The following ADNP2 variants were observed in gnomAD, a reference collection of about 807,000 sequenced individuals.
The protein encoded by ADNP2 is ADNP homeobox 2.
Under a neutral mutation model 16.4 loss-of-function variants are expected in ADNP2, and 8 were observed. The ratio of observed to expected loss-of-function variants is 0.49; its 90% CI spans 0.29 to 0.88. The LOEUF (loss-of-function observed/expected upper bound fraction) is 0.88. ADNP2 is among the 40% of genes least tolerant of loss of function. The pLI is 0.09. For missense variants in ADNP2, 1,397 were observed against 1,395.1 expected (o/e 1.00, Z -0.02); for synonymous variants, 637 against 545.8 (o/e 1.17, Z -2.33).
intron 2 of ADNP2, among the ~76,000 whole-genome samples, chr18:80,123,076 A>AT (rs958627029): frequency 1.7e-4 from 26 of 151,558 alleles, no homozygotes; most frequent in East Asian, 5.8e-4. Flanking sequence ...TAACCATGTG[A>AT]TTTTTTTCCC....
At chr18:80,119,937 C>T (rs1438741168) in intron 2 of ADNP2, among the ~76,000 whole-genome samples, 1 of 152,164 alleles carries the variant, frequency 6.6e-6, no homozygotes, top group Admixed American at 6.5e-5. Context: ...TCTGTGCCAG[C>T]CCCCAACTTG....
chr18:80,109,654 C>T (rs1470401245), intron 1 of ADNP2, 182 bp downstream of exon 1: 3 of 149,478 alleles, frequency 2.0e-5, no homozygotes, highest in Admixed American at 6.7e-5. Context: ...GTTCTCAGGG[C>T]GCGGGTTCGC....
chr18:80,127,239 G>T (rs546743606), intron 2 of ADNP2, among the ~76,000 whole-genome samples: 1 of 151,988 alleles, frequency 6.6e-6, no homozygotes, highest in East Asian at 1.9e-4. Flanking sequence ...ATCCACTGGG[G>T]TCTTGGAACA....
intron 2 of ADNP2, among the ~76,000 whole-genome samples, chr18:80,120,791 A>G (rs1041324079): frequency 6.6e-6 from 1 of 152,064 alleles, no homozygotes; most frequent in African/African-American, 2.4e-5. Flanking sequence ...AGTAGCTGGG[A>G]TTACAGGCAC....
At chr18:80,126,486 T>G (rs918786193) in intron 2 of ADNP2, among the ~76,000 whole-genome samples, 3 of 152,184 alleles carry the variant, frequency 2.0e-5, no homozygotes, top group Non-Finnish European at 2.9e-5. Context: ...ATACTTTCTC[T>G]CTAAAAAAAA....
chr18:80,128,338 C>G (rs1186969068), intron 2 of ADNP2, among the ~76,000 whole-genome samples: 1 of 152,160 alleles, frequency 6.6e-6, no homozygotes, highest in Non-Finnish European at 1.5e-5. Context: ...TGAAAATAAC[C>G]TAATTTTCAG....
chr18:80,132,437 C>G (rs541332110), intron 2 of ADNP2, among the ~76,000 whole-genome samples: 1 of 152,298 alleles, frequency 6.6e-6, no homozygotes, highest in South Asian at 2.1e-4. Context: ...ACATAAGAGA[C>G]TTGAGCAGTC....
intron 1 of ADNP2, among the ~76,000 whole-genome samples, chr18:80,114,940 C>T (rs1263778794): frequency 1.3e-5 from 2 of 152,128 alleles, no homozygotes; most frequent in Non-Finnish European, 2.9e-5. Flanking sequence ...TATCTAGATT[C>T]TGGGCATGAT....
At chr18:80,123,473 C>T (rs1199820480) in intron 2 of ADNP2, among the ~76,000 whole-genome samples, 4 of 151,430 alleles carry the variant, frequency 2.6e-5, no homozygotes, top group African/African-American at 7.3e-5. Flanking sequence ...ACAGGCCAAG[C>T]GATTATCCTG....
Position 80,136,635 on chromosome 18 carries a change from G to A in ADNP2, c.1222G>A (p.Gly408Arg). The A allele has an allele frequency of 1.9e-6, 3 of 1,614,138 alleles. No homozygotes were observed. The highest frequency in any genetic ancestry group is 2.5e-6 in the Non-Finnish European group (3 of 1,179,996). ...PGVLPLTQPV[G>R]PINRPVGPGV... Reference sequence around the variant, plus strand: ...GGTTTTACCCCTCACCCAGCCTGTGGGACCCATAAACAGACCTGTTGGGCC... The same window carrying A: ...GGTTTTACCCCTCACCCAGCCTGTGAGACCCATAAACAGACCTGTTGGGCC... The change falls in exon 4 of 4, where the codon GGA (glycine) becomes AGA (arginine). Residue 408 changes from glycine (G) to arginine (R), a missense_variant. This residue lies in a region of ADNP2 where 777 missense variants were observed against 719.4 expected (regional missense o/e 1.08). Coordinates refer to ENST00000262198, the MANE Select transcript of ADNP2 (RefSeq NM_014913.4).
At chr18:80,129,105 G>GTTTT (rs753934297) in intron 2 of ADNP2, among the ~76,000 whole-genome samples, 2 of 81,434 alleles carry the variant, frequency 2.5e-5, no homozygotes, top group African/African-American at 7.6e-5. Flanking sequence ...CTTTTTTTTT[G>GTTTT]TTTTTTTTTT....
chr18:80,121,719 G>A (rs2052426131), intron 2 of ADNP2, among the ~76,000 whole-genome samples: 2 of 152,158 alleles, frequency 1.3e-5, no homozygotes, highest in South Asian at 4.1e-4. Flanking sequence ...TATTGTATAA[G>A]TAGGAGTCCG....
At chr18:80,129,996 T>C (rs908227308) in intron 2 of ADNP2, among the ~76,000 whole-genome samples, 1 of 152,208 alleles carries the variant, frequency 6.6e-6, no homozygotes, top group Non-Finnish European at 1.5e-5. Flanking sequence ...ATCCTTTCCT[T>C]TGAGCTGTGA....
chr18:80,130,591 G>T (rs1330942705), intron 2 of ADNP2, among the ~76,000 whole-genome samples: 2 of 152,126 alleles, frequency 1.3e-5, no homozygotes, highest in African/African-American at 4.8e-5. Context: ...TGTTTTTCTT[G>T]TACACCTTCT....
chr18:80,120,264 T>G (rs1402611315), intron 2 of ADNP2, among the ~76,000 whole-genome samples: 1 of 152,108 alleles, frequency 6.6e-6, no homozygotes, highest in Non-Finnish European at 1.5e-5. Flanking sequence ...TTAAATCCCT[T>G]GAGCACAGGC....
Position 80,136,351 on chromosome 18 carries a change from A to G in ADNP2, c.938A>G (p.Gln313Arg). 2 of 1,614,224 alleles carry G rather than the reference A, an allele frequency of 1.2e-6. No homozygotes were observed. Among genetic ancestry groups the G allele is most frequent in the Non-Finnish European group, 1.7e-6 (2 of 1,180,038 alleles). The change falls in exon 4 of 4, where the codon CAG becomes CGG. Residue 313 changes from glutamine to arginine, a missense_variant. Physicochemically the swap from Gln to Arg is conservative, Grantham distance 43. This residue lies in a region of ADNP2 where 777 missense variants were observed against 719.4 expected (regional missense o/e 1.08). Coordinates refer to ENST00000262198, the MANE Select transcript of ADNP2 (RefSeq NM_014913.4). ...PAAGQPVTVA[Q>R]GAPGSLTHSP... The stretch of plus-strand genomic sequence containing the variant: ...GCAGGACAGCCAGTGACTGTGGCCC[A>G]GGGTGCCCCTGGAAGCCTCACTCAT...
chr18:80,132,615 C>CTTTCTT (rs1431341752), intron 2 of ADNP2, among the ~76,000 whole-genome samples: 1 of 151,596 alleles, frequency 6.6e-6, no homozygotes, highest in African/African-American at 2.4e-5. Flanking sequence ...TTCTCTTTCT[C>CTTTCTT]TTTCTTTTTT....
At position 80,133,182 on chromosome 18, in the gene ADNP2, G is replaced by C; in HGVS notation, c.188G>C (p.Gly63Ala). 6.2e-7 allele frequency: 1 copy of C among 1,612,166 alleles called. No homozygotes were observed. Among genetic ancestry groups the C allele is most frequent in the Middle Eastern group, 1.7e-4 (1 of 6,060 alleles). ...GATGTTTCTCTCTGGGAACCTTCTG[G>C]AAAGAAAGTGGTATGTATTTTTTGC... is the stretch of plus-strand genomic sequence containing the variant. Reference protein sequence around the residue: ...WGDVSLWEPSGKKVRYRTKPY... With the variant: ...WGDVSLWEPSAKKVRYRTKPY... Residue 63 changes from glycine (G) to alanine (A), a missense_variant, in exon 3 of 4, where the codon GGA (glycine) becomes GCA (alanine). Physicochemically the swap from Gly to Ala is moderately conservative, Grantham distance 60. This residue lies in a region of ADNP2 where 777 missense variants were observed against 719.4 expected (regional missense o/e 1.08). Coordinates refer to ENST00000262198, the MANE Select transcript of ADNP2 (RefSeq NM_014913.4).
At chr18:80,118,244 A>G (rs1218263800) in intron 2 of ADNP2, among the ~76,000 whole-genome samples, 1 of 152,166 alleles carries the variant, frequency 6.6e-6, no homozygotes, top group Non-Finnish European at 1.5e-5. Flanking sequence ...GGCCAACAAC[A>G]TGGTGAAACC....
Sources: gnomAD v4.1 joint callset for allele counts (sites outside exome capture counted in the v4.1 genomes callset) on GRCh38, gnomAD v4.1.1 for gene constraint, gnomAD v4.1.1 regional missense constraint, MANE v1.5 for transcripts, NCBI Gene and HGNC (gene_info 2026-07-23, HGNC 2026-07-21) for gene names.